TSC1: variants seen among roughly 807,000 people sequenced by gnomAD.
TSC1 encodes hamartin.
TSC1 carries 20 observed loss-of-function variants against 124.3 expected under a neutral mutation model. The observed-to-expected ratio is 0.16, with a 90% CI of 0.11 to 0.23. The LOEUF is 0.23. Among genes scored for constraint, TSC1 ranks in the 10% least tolerant of loss-of-function variants. The pLI, the probability that TSC1 is intolerant of heterozygous loss-of-function variation, is 1.00. For synonymous variants in TSC1, 493 were observed against 539.1 expected (o/e 0.91, Z 1.19); for missense variants, 1,124 against 1,448.5 (o/e 0.78, Z 3.64).
At chr9:132,944,289 G>A (rs1055213680) in intron 1 of TSC1, among the ~76,000 whole-genome samples, 1 of 152,100 alleles carries the variant, frequency 6.6e-6, no homozygotes, top group Non-Finnish European at 1.5e-5. Context: ...CCCCTCGGGG[G>A]CCAAGGAGGG....
chr9:132,911,627 A>G (rs1201424673), intron 9 of TSC1, 59 bp from the exon 10 acceptor site: 2 of 14,730 alleles, frequency 1.4e-4, no homozygotes, highest in African/African-American at 7.0e-4. Context: ...ATTCTGGTTA[A>G]AAAAAAAAAA....
rs1246013552 is a variant in TSC1, at chr9:132,911,466, G to A, written c.1016C>T (p.Thr339Ile). 6.2e-7 allele frequency: 1 copy of A among 1,612,716 alleles called. No individual in the cohort carries two copies. The highest frequency in any genetic ancestry group is 8.5e-7 in the Non-Finnish European group (1 of 1,178,960). Residue 339 changes from threonine (T) to isoleucine (I), a missense_variant, in exon 10 of 23, where the codon ACT (threonine) becomes ATT (isoleucine). Transcript: ENST00000298552. ...TTGACACCATACTTGTGGTGGTTCAGTTATCAGCCGTGTCGATGGGGAACT... is the reference window on the plus strand; with the variant it reads ...TTGACACCATACTTGTGGTGGTTCAATTATCAGCCGTGTCGATGGGGAACT... The part of the protein sequence containing the change: ...TLSSPSTRLI[T>I]EPPQATLWSP...
At chr9:132,915,277 C>CGA (rs1846217634) in intron 8 of TSC1, among the ~76,000 whole-genome samples, 1 of 151,842 alleles carries the variant, frequency 6.6e-6, no homozygotes, top group South Asian at 2.1e-4. Context: ...CCCAGGAGTT[C>CGA]GAGATCAGCT....
In TSC1 at chr9:132,901,714, G is replaced by A. The variant is rs748281997; in HGVS notation, c.2392-15C>T. 13 of 1,612,756 alleles carry A rather than the reference G, an allele frequency of 8.1e-6. No individual in the cohort carries two copies. The highest frequency in any genetic ancestry group is 4.5e-5 in the East Asian group (2 of 44,894). ...TCCAGCTTCGTCTGCCCAAAGAGAC[G>A]TGGACATGAAGTTTGAGGAACACCA... On this transcript the variant is annotated splice_polypyrimidine_tract_variant and intron_variant, in intron 18 of 22. Transcript: ENST00000298552.
chr9:132,915,841 C>A (rs775103535), intron 8 of TSC1, among the ~76,000 whole-genome samples: 1 of 152,152 alleles, frequency 6.6e-6, no homozygotes, highest in Admixed American at 6.5e-5. Flanking sequence ...GAAGAGCGAG[C>A]CTTTCGATTT....
intron 1 of TSC1, among the ~76,000 whole-genome samples, chr9:132,936,102 A>C (rs1224802357): frequency 1.3e-5 from 2 of 152,114 alleles, no homozygotes; most frequent in Non-Finnish European, 2.9e-5. Flanking sequence ...AGAAGTTAAA[A>C]TCTTTTCTTT....
At position 132,901,571 on chromosome 9, in the gene TSC1, T is replaced by G. The variant is rs200908079; in HGVS notation, c.2502+18A>C. 1.8e-4 allele frequency: 289 copies of G among 1,602,844 alleles called. No individual in the cohort carries two copies. Among genetic ancestry groups the G allele is most frequent in the South Asian group, 1.4e-3 (129 of 90,886 alleles). The stretch of plus-strand genomic sequence containing the variant: ...AATGGTGTTTCAGCAGATTCAGGTC[T>G]GCCTCATTTCTTCTTACCTTTTGGG... On this transcript the variant is annotated intron_variant, in intron 19 of 22. Coordinates refer to ENST00000298552, the MANE Select transcript of TSC1 (RefSeq NM_000368.5).
intron 1 of TSC1, among the ~76,000 whole-genome samples, chr9:132,938,232 T>C (rs1329921791): frequency 6.6e-6 from 1 of 152,220 alleles, no homozygotes; most frequent in South Asian, 2.1e-4. Context: ...ATAATCACTC[T>C]GGTCAGTAAA....
chr9:132,920,301 A>C (rs1030955336), intron 8 of TSC1, among the ~76,000 whole-genome samples: 6 of 152,192 alleles, frequency 3.9e-5, no homozygotes, highest in African/African-American at 1.4e-4. Context: ...TAGCTTTTCA[A>C]AACAAAGCAA....
In TSC1 at chr9:132,896,499, A is replaced by G. The variant is rs118203748; in HGVS notation, c.3231T>C (p.Thr1077=). 6.2e-7 allele frequency: 1 copy of G among 1,614,186 alleles called. No homozygotes were observed. Among genetic ancestry groups the G allele is most frequent in the Non-Finnish European group, 8.5e-7 (1 of 1,180,028 alleles). ...MGEASASIPT[T]VGSLPSSKSF... ...TTTTTGAACTGGGAAGTGAGCCCAC[A>G]GTGGTGGGGATGCTGGCAGACGCTT... Residue 1077 remains threonine, a synonymous_variant, in exon 23 of 23, where the codon ACT becomes ACC. Transcript: ENST00000298552. The surrounding 1 kb of genome is among the most constrained non-coding windows in gnomAD (Gnocchi z 4.5).
At chr9:132,942,405 C>T (rs1172798047) in intron 1 of TSC1, 6 of 152,138 alleles carry the variant, frequency 3.9e-5, no homozygotes, top group South Asian at 2.1e-4. Flanking sequence ...TTTCAGATCT[C>T]GTTTCCACCA....
chr9:132,940,040 T>C (rs921845718), intron 1 of TSC1, among the ~76,000 whole-genome samples: 1 of 152,012 alleles, frequency 6.6e-6, no homozygotes, highest in Non-Finnish European at 1.5e-5. Flanking sequence ...AAAAAATATA[T>C]AGAGTGCATA....
chr9:132,900,548 A>G lies in TSC1; in HGVS notation c.2625+167T>C. ...AACCCAATAGGAGAAACAAGCTCAC[A>G]TGGTGGCTGGAAAGTGCTTGTATAG... On this transcript the variant is annotated intron_variant, in intron 20 of 22. Coordinates refer to ENST00000298552, the MANE Select transcript of TSC1 (RefSeq NM_000368.5). 4 of 1,103,844 alleles carry G rather than the reference A, an allele frequency of 3.6e-6. No homozygotes were observed. The South Asian group carries it at 3.9e-5, about 11-fold the overall frequency. 68.4% of individuals were successfully genotyped at this position (1,103,844 alleles called of 1,614,324 possible).
At position 132,921,564 on chromosome 9, in the gene TSC1, G is replaced by A; in HGVS notation, c.664-128C>T. ...TGTTATAACACAGATGGAACCTTGAGAACATTATACTGAGTGAAAGAAGCC... is the reference window on the plus strand; with the variant it reads ...TGTTATAACACAGATGGAACCTTGAAAACATTATACTGAGTGAAAGAAGCC... On this transcript the variant is annotated intron_variant, in intron 7 of 22. Transcript: ENST00000298552. This position sits in a 1 kb window ranked among gnomAD's most constrained non-coding sequence, Gnocchi z 4.3. 8.6e-7 allele frequency: 1 copy of A among 1,159,674 alleles called. No individual in the cohort carries two copies. Among genetic ancestry groups the A allele is most frequent in the Non-Finnish European group, 1.3e-6 (1 of 786,084 alleles). 71.8% of individuals were successfully genotyped at this position (1,159,674 alleles called of 1,614,324 possible).
chr9:132,903,735 C>G lies in TSC1; in HGVS notation c.2124G>C (p.Lys708Asn), dbSNP rs1328198866. 1 of 1,613,600 alleles carries G rather than the reference C, an allele frequency of 6.2e-7. No homozygotes were observed. Among genetic ancestry groups the G allele is most frequent in the Non-Finnish European group, 8.5e-7 (1 of 1,180,030 alleles). ...TGTTCCGGAGGGCATGCTGCTGCCTCTTAAAACGCTCATAGAGTAACTGGT... is the reference window on the plus strand; with the variant it reads ...TGTTCCGGAGGGCATGCTGCTGCCTGTTAAAACGCTCATAGAGTAACTGGT... ...LHNQLLYERF[K>N]RQQHALRNRR... Residue 708 changes from lysine to asparagine, a missense_variant, in exon 17 of 23, where the codon AAG becomes AAC. Lys to Asn is a moderately conservative substitution (Grantham distance 94). This residue lies in a region of TSC1 where 321 missense variants were observed against 397.4 expected (regional missense o/e 0.81). Transcript: ENST00000298552. This position sits in a 1 kb window ranked among gnomAD's most constrained non-coding sequence, Gnocchi z 5.9.
chr9:132,912,486 G>A (rs747856405), intron 8 of TSC1, 29 bp from the exon 9 acceptor site: 1 of 1,613,506 alleles, frequency 6.2e-7, no homozygotes, highest in Non-Finnish European at 8.5e-7. Context: ...GTCAAGAAAT[G>A]CAAACTGTAA....
At chr9:132,905,455 A>G in intron 15 of TSC1, 126 bp downstream of exon 15, 1 of 1,346,274 alleles carries the variant, frequency 7.4e-7, no homozygotes, top group Non-Finnish European at 1.0e-6. Flanking sequence ...ACATCTGACA[A>G]ACAGCAGAGA....
rs886063591 is a variant in TSC1 at position 132,893,406 on chromosome 9, T to C, written c.*2829A>G. 3 of 233,176 alleles carry C rather than the reference T, an allele frequency of 1.3e-5. No individual in the cohort carries two copies. Among genetic ancestry groups the C allele is most frequent in the South Asian group, 3.6e-4 (2 of 5,534 alleles). The allele number at this position is 233,176 out of a possible 1,614,324, so 14.4% of individuals were successfully genotyped here. A position where few individuals can be genotyped will look rare whatever the true frequency, so the allele number is the denominator to read the frequency against. ...ATAATAACAATTTTTATAGACTGTA[T>C]AGCAGAGCCTTGTCAACGGCTTTTT... is the stretch of plus-strand genomic sequence containing the variant. On this transcript the variant is annotated 3_prime_UTR_variant, in exon 23 of 23. Coordinates refer to ENST00000298552, the MANE Select transcript of TSC1 (RefSeq NM_000368.5).
intron 8 of TSC1, among the ~76,000 whole-genome samples, chr9:132,915,904 T>C (rs543305973): frequency 1.3e-5 from 2 of 152,334 alleles, no homozygotes; most frequent in South Asian, 4.1e-4. Context: ...TGGGATCCTG[T>C]TAATGGGGAT....
Sources: gnomAD v4.1 joint callset for allele counts (sites outside exome capture counted in the v4.1 genomes callset) on GRCh38, gnomAD v4.1.1 for gene constraint, gnomAD v4.1.1 regional missense constraint, Gnocchi (gnomAD v3.1) non-coding constraint, MANE v1.5 for transcripts, NCBI Gene and HGNC (gene_info 2026-07-23, HGNC 2026-07-21) for gene names.